CYP51A1: variants seen among roughly 807,000 people sequenced by gnomAD.
The protein encoded by CYP51A1 is cytochrome P450 family 51 subfamily A member 1.
A neutral mutation model predicts 53.5 loss-of-function variants in CYP51A1; 45 were observed. That is an observed-to-expected ratio of 0.84 (90% CI 0.66 to 1.08). CYP51A1 has a LOEUF of 1.08. Among genes scored for constraint, CYP51A1 ranks in the 50% least tolerant of loss-of-function variants. The pLI, the probability that CYP51A1 is intolerant of heterozygous loss-of-function variation, is 0.00. For synonymous variants in CYP51A1, 181 were observed against 217.7 expected (o/e 0.83, Z 1.48); for missense variants, 462 against 621.7 (o/e 0.74, Z 2.73).
At chr7:92,127,241 G>C (rs2130953081) in intron 4 of CYP51A1, among the ~76,000 whole-genome samples, 1 of 152,284 alleles carries the variant, frequency 6.6e-6, no homozygotes, top group East Asian at 1.9e-4. Context: ...TGCTGCCCTG[G>C]GTCCTGCTGC....
intron 1 of CYP51A1, among the ~76,000 whole-genome samples, chr7:92,133,198 T>A (rs1819959518): frequency 6.6e-6 from 1 of 152,142 alleles, no homozygotes; most frequent in African/African-American, 2.4e-5. Flanking sequence ...AAAGGCACAA[T>A]CAAATAACAT....
intron 9 of CYP51A1, among the ~76,000 whole-genome samples, chr7:92,116,342 G>T (rs991698744): frequency 6.6e-6 from 1 of 152,088 alleles, no homozygotes; most frequent in African/African-American, 2.4e-5. Flanking sequence ...ATAAAGTTAA[G>T]ATCTGAAGTT....
chr7:92,131,380 T>G (rs1353132518), intron 2 of CYP51A1, among the ~76,000 whole-genome samples: 1 of 152,130 alleles, frequency 6.6e-6, no homozygotes, highest in Non-Finnish European at 1.5e-5. Context: ...TGTGGGTCAT[T>G]CAAGTGGACA....
chr7:92,119,340 G>A (rs933290758), intron 7 of CYP51A1, among the ~76,000 whole-genome samples: 6 of 152,160 alleles, frequency 3.9e-5, no homozygotes, highest in Admixed American at 3.9e-4. Context: ...CTAAGAGGCT[G>A]TAATCTTTTA....
Position 92,134,181 on chromosome 7 carries a change from C to A in CYP51A1, c.184G>T (p.Ala62Ser), listed in dbSNP as rs779766189. The change falls in exon 1 of 10, where the codon GCA (alanine) becomes TCA (serine). Residue 62 changes from alanine to serine, a missense_variant. Ala to Ser is a moderately conservative substitution (Grantham distance 99, BLOSUM62 1). Transcript: ENST00000003100. ...CTAAAGAATGTACGTACCACCCCTGCGGGCAGCTGGACCAGGTGGCCGGCG... is the reference window on the plus strand; with the variant it reads ...CTAAAGAATGTACGTACCACCCCTGAGGGCAGCTGGACCAGGTGGCCGGCG... The part of the protein sequence containing the change: ...LAAGHLVQLP[A>S]GVKSPPYIFS... 1.9e-6 allele frequency: 3 copies of A among 1,611,810 alleles called. No individual in the cohort carries two copies. The highest frequency in any genetic ancestry group is 2.5e-6 in the Non-Finnish European group (3 of 1,179,644).
At position 92,127,512 on chromosome 7, in the gene CYP51A1, T is replaced by C; in HGVS notation, c.588A>G (p.Gly196=). 2 of 1,605,850 alleles carry C rather than the reference T, an allele frequency of 1.2e-6. No homozygotes were observed. The highest frequency in any genetic ancestry group is 1.7e-6 in the Non-Finnish European group (2 of 1,177,924). The change falls in exon 4 of 10, where the codon GGA becomes GGG. Residue 196 remains glycine, a synonymous_variant. Transcript: ENST00000003100. ...ATAAAACATTTTGCTTACTTTTTTC[T>C]CCACTTTCTCCCCAACTCTCAAAGT... is the stretch of plus-strand genomic sequence containing the variant. The part of the protein sequence containing the change: ...KEYFESWGES[G]EKNVFEALSE...
Position 92,128,945 on chromosome 7 carries a change from C to T in CYP51A1, c.403G>A (p.Asp135Asn). The change falls in exon 3 of 10, where the codon GAT (aspartate) becomes AAT (asparagine). Residue 135 changes from aspartate (D) to asparagine (N), a missense_variant. Coordinates refer to ENST00000003100, the MANE Select transcript of CYP51A1 (RefSeq NM_000786.4). Reference sequence around the variant, plus strand: ...GGTGTTGTCAGGCGACTGTAGACATCTTCTGCATTCAGGTCTTCATTTTTA... The same window carrying T: ...GGTGTTGTCAGGCGACTGTAGACATTTTCTGCATTCAGGTCTTCATTTTTA... ...NSKNEDLNAE[D>N]VYSRLTTPVF... is the part of the protein sequence containing the mutation. 12 of 1,612,950 alleles carry T rather than the reference C, an allele frequency of 7.4e-6. No individual in the cohort carries two copies. The highest frequency in any genetic ancestry group is 1.0e-5 in the Non-Finnish European group (12 of 1,179,846).
chr7:92,113,497 T>C lies in CYP51A1; in HGVS notation c.*168A>G, dbSNP rs1253519190. ...AGAAAATGTTTCAAATGCTATTATA[T>C]TTGATAGAACCATTCAGTTAACAAA... On this transcript the variant is annotated 3_prime_UTR_variant, in exon 10 of 10. Coordinates refer to ENST00000003100, the MANE Select transcript of CYP51A1 (RefSeq NM_000786.4). The C allele has an allele frequency of 6.7e-6, 4 of 593,930 alleles. No individual in the cohort carries two copies. Among genetic ancestry groups the C allele is most frequent in the African/African-American group, 5.8e-5 (3 of 51,798 alleles). 36.8% of individuals were successfully genotyped at this position (593,930 alleles called of 1,614,324 possible). A position where few individuals can be genotyped will look rare whatever the true frequency, so the allele number is the denominator to read the frequency against.
Position 92,134,408 on chromosome 7 carries a change from T to A in CYP51A1, c.-44A>T, listed in dbSNP as rs905904031. ...TGAAGGCCGAGGTCGCCACCGCTCC[T>A]CCCAATCGACGGAACGAGAGAAGCT... On this transcript the variant is annotated 5_prime_UTR_variant, in exon 1 of 10. Coordinates refer to ENST00000003100, the MANE Select transcript of CYP51A1 (RefSeq NM_000786.4). 2.4e-5 allele frequency: 36 copies of A among 1,503,156 alleles called. No individual in the cohort carries two copies. In the Admixed American group the frequency reaches 3.6e-4, roughly 15 times the overall value. 93.1% of individuals were successfully genotyped at this position (1,503,156 alleles called of 1,614,324 possible). A position where few individuals can be genotyped will look rare whatever the true frequency, so the allele number is the denominator to read the frequency against.
At chr7:92,132,098 T>C (rs988019136) in intron 1 of CYP51A1, among the ~76,000 whole-genome samples, 2 of 151,798 alleles carry the variant, frequency 1.3e-5, no homozygotes, top group Non-Finnish European at 2.9e-5. Flanking sequence ...CGGTATAAGA[T>C]AAACGACCAG....
At position 92,112,440 on chromosome 7, in the gene CYP51A1, A is replaced by AGAGT. The variant is rs1270289175; in HGVS notation, c.*1221_*1224dup. 1 of 152,230 alleles carries AGAGT rather than the reference A, an allele frequency of 6.6e-6. No individual in the cohort carries two copies. Among genetic ancestry groups the AGAGT allele is most frequent in the Non-Finnish European group, 1.5e-5 (1 of 68,042 alleles). The allele number at this position is 152,230 out of a possible 1,614,324, so 9.4% of individuals were successfully genotyped here. On this transcript the variant is annotated 3_prime_UTR_variant, in exon 10 of 10. Coordinates refer to ENST00000003100, the MANE Select transcript of CYP51A1 (RefSeq NM_000786.4). ...CCTTGTTTCAGATTATCTTAAAACC[A>AGAGT]GAGTTCACTGATCTCACATTTTAAA...
chr7:92,125,404 C>T lies in CYP51A1; in HGVS notation c.770+849G>A, dbSNP rs78367782. Reference sequence around the variant, plus strand: ...AAGGGACTAGCAATCTATCTCCTCCCCATCTGTCACCTAAACACCAATAAA... The same window carrying T: ...AAGGGACTAGCAATCTATCTCCTCCTCATCTGTCACCTAAACACCAATAAA... On this transcript the variant is annotated intron_variant, in intron 5 of 9. Transcript: ENST00000003100. Among the ~76,000 whole-genome samples, 3,993 of 152,164 alleles carry T rather than the reference C, an allele frequency of 0.026. 364 individuals are homozygous for T. The East Asian group carries it at 0.36, about 14-fold the overall frequency.
intron 1 of CYP51A1, among the ~76,000 whole-genome samples, chr7:92,133,012 A>T (rs1819955671): frequency 6.6e-6 from 1 of 152,246 alleles, no homozygotes; most frequent in Admixed American, 6.5e-5. Context: ...TCCCAGAGAC[A>T]AATATCATTT....
Position 92,113,737 on chromosome 7 carries a change from G to A in CYP51A1, c.1458C>T (p.Pro486=), listed in dbSNP as rs866790532. The A allele has an allele frequency of 8.1e-6, 13 of 1,612,682 alleles. No individual in the cohort carries two copies. In the Middle Eastern group the frequency reaches 8.6e-4, roughly 106 times the overall value. The change falls in exon 10 of 10, where the codon CCC becomes CCT. Residue 486 remains proline, a synonymous_variant. Coordinates refer to ENST00000003100, the MANE Select transcript of CYP51A1 (RefSeq NM_000786.4). ...YEFDLIDGYF[P]TVNYTTMIHT... is the part of the protein sequence containing the mutation. The stretch of plus-strand genomic sequence containing the variant: ...GAATCATAGTTGTATAATTCACAGT[G>A]GGAAAGTATCCATCAATGAGATCAA...
At chr7:92,121,064 C>T (rs1819682037) in intron 7 of CYP51A1, among the ~76,000 whole-genome samples, 1 of 152,010 alleles carries the variant, frequency 6.6e-6, no homozygotes, top group African/African-American at 2.4e-5. Context: ...CCAAGGCGGG[C>T]AGATGACTTG....
intron 7 of CYP51A1, among the ~76,000 whole-genome samples, chr7:92,121,281 CA>C (rs111668177): frequency 0.046 from 5,306 of 115,594 alleles, 227 homozygotes; most frequent in African/African-American, 0.14. Flanking sequence ...GACTCTGTCT[CA>C]AAAAAAAAAA....
At chr7:92,130,715 T>C (rs1819899713) in intron 2 of CYP51A1, among the ~76,000 whole-genome samples, 1 of 152,252 alleles carries the variant, frequency 6.6e-6, no homozygotes, top group Non-Finnish European at 1.5e-5. Context: ...TTTCTTTGAA[T>C]GTTTTAATAA....
intron 7 of CYP51A1, among the ~76,000 whole-genome samples, chr7:92,120,176 T>C (rs1244756614): frequency 6.6e-6 from 1 of 152,152 alleles, no homozygotes; most frequent in Non-Finnish European, 1.5e-5. Context: ...AAGACTAAAA[T>C]TGTGCTCCCA....
rs1819729140 is a variant in CYP51A1 at position 92,123,331 on chromosome 7, A to C, written c.891-16T>G. 6.3e-7 allele frequency: 1 copy of C among 1,594,952 alleles called. No individual in the cohort carries two copies. Among genetic ancestry groups the C allele is most frequent in the Admixed American group, 1.7e-5 (1 of 57,212 alleles). On this transcript the variant is annotated splice_polypyrimidine_tract_variant and intron_variant, in intron 6 of 9. Coordinates refer to ENST00000003100, the MANE Select transcript of CYP51A1 (RefSeq NM_000786.4). Reference sequence around the variant, plus strand: ...ACGCCCATCCCTAAGGAATGAACCAAAGACACAAATTTAACATTTTGGCAG... The same window carrying C: ...ACGCCCATCCCTAAGGAATGAACCACAGACACAAATTTAACATTTTGGCAG...
Sources: allele counts gnomAD v4.1 joint callset (sites outside exome capture counted in the v4.1 genomes callset), GRCh38; gene constraint gnomAD v4.1.1; transcripts MANE v1.5; gene names NCBI Gene and HGNC (gene_info 2026-07-23, HGNC 2026-07-21).